The following GLI3 variants were observed in gnomAD, a reference collection of about 807,000 sequenced individuals.
GLI3 encodes transcription activator GLI3.
In GLI3, 20 loss-of-function variants were observed where a neutral mutation model predicts 100.8. The observed-to-expected ratio is 0.20, with a 90% CI of 0.14 to 0.29. The LOEUF is 0.29. GLI3 is among the 10% of genes least tolerant of loss of function. The probability of loss-of-function intolerance (pLI) is 1.00; values close to 1 mark genes in which losing one functional copy is unlikely to be tolerated. For synonymous variants in GLI3, 938 were observed against 860.5 expected (o/e 1.09, Z -1.58); for missense variants, 2,040 against 2,128.5 (o/e 0.96, Z 0.82).
intron 10 of GLI3, among the ~76,000 whole-genome samples, chr7:42,012,856 A>T (rs1788657468): frequency 6.6e-6 from 1 of 152,156 alleles, no homozygotes; most frequent in Non-Finnish European, 1.5e-5. Flanking sequence ...CACCAGAGGA[A>T]CCTGTGCAAA....
Position 42,125,747 on chromosome 7 carries a change from G to A in GLI3, c.367+22479C>T, listed in dbSNP as rs568701962. 3.3e-5 allele frequency among the ~76,000 whole-genome samples: 5 copies of A among 152,278 alleles called. No individual in the cohort carries two copies. In the East Asian group the frequency reaches 9.7e-4, roughly 29 times the overall value. ...GCCCATAATACAGAGCTGTCCTCAG[G>A]AGACAAGCCTCTTATTTTTGAGGGT... On this transcript the variant is annotated intron_variant, in intron 3 of 14. Coordinates refer to ENST00000395925, the MANE Select transcript of GLI3 (RefSeq NM_000168.6).
At chr7:42,163,221 T>C (rs1185255848) in intron 2 of GLI3, among the ~76,000 whole-genome samples, 5 of 151,802 alleles carry the variant, frequency 3.3e-5, no homozygotes, top group African/African-American at 1.2e-4. Context: ...TGCCCCACAT[T>C]AAACAGTACT....
rs1354305000 is a variant in GLI3, at chr7:41,962,884, A to G, written c.*1446T>C. The G allele has an allele frequency of 6.6e-6, 1 of 152,194 alleles. No homozygotes were observed. Among genetic ancestry groups the G allele is most frequent in the Non-Finnish European group, 1.5e-5 (1 of 68,024 alleles). The allele number at this position is 152,194 out of a possible 1,614,324, so 9.4% of individuals were successfully genotyped here. A position where few individuals can be genotyped will look rare whatever the true frequency, so the allele number is the denominator to read the frequency against. ...GTGTTAATATTTTAACAGTTTATAT[A>G]ATTTTTTAAAGCAATATGCTGGAAA... On this transcript the variant is annotated 3_prime_UTR_variant, in exon 15 of 15. Transcript: ENST00000395925.
chr7:42,029,387 G>A (rs979389032), intron 7 of GLI3, among the ~76,000 whole-genome samples: 12 of 152,192 alleles, frequency 7.9e-5, no homozygotes, highest in African/African-American at 2.4e-4. Flanking sequence ...GGCAGAGGAC[G>A]GGCGATGACT....
chr7:42,011,477 C>A (rs888423070), intron 10 of GLI3, among the ~76,000 whole-genome samples: 1 of 152,154 alleles, frequency 6.6e-6, no homozygotes, highest in Non-Finnish European at 1.5e-5. Flanking sequence ...TTCATAGTAA[C>A]ACAATAGCCA....
chr7:42,131,228 G>A (rs1457224781), intron 3 of GLI3, among the ~76,000 whole-genome samples: 4 of 152,122 alleles, frequency 2.6e-5, no homozygotes, highest in Non-Finnish European at 5.9e-5. Context: ...GAGATTCCTC[G>A]TTCAGACTTC....
At chr7:42,144,424 C>T (rs1786651535) in intron 3 of GLI3, among the ~76,000 whole-genome samples, 1 of 152,196 alleles carries the variant, frequency 6.6e-6, no homozygotes, top group African/African-American at 2.4e-5. Context: ...CCTTGATATA[C>T]AGCCCGTCCA....
At position 42,127,951 on chromosome 7, in the gene GLI3, G is replaced by A. The variant is rs1000096438; in HGVS notation, c.367+20275C>T. Among the ~76,000 whole-genome samples, 8 of 150,764 alleles carry A rather than the reference G, an allele frequency of 5.3e-5. No homozygotes were observed. The South Asian group carries it at 6.3e-4, about 12-fold the overall frequency. ...TGCTTGAACCCAGGAGGCAGGAGGCGGAAGTTGCAGTGAGCCATGATCGAG... is the reference window on the plus strand; with the variant it reads ...TGCTTGAACCCAGGAGGCAGGAGGCAGAAGTTGCAGTGAGCCATGATCGAG... On this transcript the variant is annotated intron_variant, in intron 3 of 14. Transcript: ENST00000395925.
At chr7:42,236,743 G>T (rs1788807294) in intron 1 of GLI3, among the ~76,000 whole-genome samples, 3 of 152,218 alleles carry the variant, frequency 2.0e-5, no homozygotes, top group African/African-American at 7.2e-5. Flanking sequence ...GTCTCCGGCC[G>T]GTCCGCGGGT....
chr7:42,043,964 C>A (rs750147022), intron 6 of GLI3, among the ~76,000 whole-genome samples: 1 of 152,198 alleles, frequency 6.6e-6, no homozygotes, highest in South Asian at 2.1e-4. Context: ...AACAACAGAA[C>A]GCCTGAAGAA....
At position 41,965,626 on chromosome 7, in the gene GLI3, G is replaced by C; in HGVS notation, c.3447C>G (p.Pro1149=). 6.2e-7 allele frequency: 1 copy of C among 1,611,148 alleles called. No individual in the cohort carries two copies. Among genetic ancestry groups the C allele is most frequent in the Non-Finnish European group, 8.5e-7 (1 of 1,177,848 alleles). ...GGTCGGTTTTGCTGCCCTCGGGGCA[G>C]GGCTGCTCGAGGGCATGGAACTGCT... ...AGQQFHALEQ[P]CPEGSKTDLP... is the part of the protein sequence containing the mutation. Residue 1149 remains proline, a synonymous_variant, in exon 15 of 15, where the codon CCC becomes CCG. Transcript: ENST00000395925.
Position 42,026,223 on chromosome 7 carries a change from G to T in GLI3, c.1218C>A (p.Ser406Arg). 6.2e-7 allele frequency: 1 copy of T among 1,613,482 alleles called. No homozygotes were observed. Among genetic ancestry groups the T allele is most frequent in the Non-Finnish European group, 8.5e-7 (1 of 1,179,688 alleles). Residue 406 changes from serine to arginine, a missense_variant, in exon 8 of 15, where the codon AGC (serine) becomes AGA (arginine). Ser to Arg is a moderately radical substitution (Grantham distance 110). Around this residue, in one of 5 missense-constraint regions of GLI3, gnomAD observed 603 missense variants for 690.9 expected, o/e 0.87. Coordinates refer to ENST00000395925, the MANE Select transcript of GLI3 (RefSeq NM_000168.6). ...IPTVLNPVQV[S>R]SGPSESSQNK... is the part of the protein sequence containing the mutation. ...CCTGTGAGGACTCAGAAGGGCCGGA[G>T]CTGACCTGGACGGGGTTCAGAACCG...
chr7:42,059,503 A>C (rs1364589302), intron 4 of GLI3, among the ~76,000 whole-genome samples: 1 of 150,594 alleles, frequency 6.6e-6, no homozygotes, highest in African/African-American at 2.4e-5. Flanking sequence ...AAATTAATTA[A>C]TATAATAAAA....
At chr7:42,109,272 C>T (rs1389407597) in intron 3 of GLI3, among the ~76,000 whole-genome samples, 2 of 152,192 alleles carry the variant, frequency 1.3e-5, no homozygotes, top group Non-Finnish European at 2.9e-5. Flanking sequence ...CGGTTCATCA[C>T]AGTCACTACA....
At chr7:42,111,568 C>A (rs1785707189) in intron 3 of GLI3, among the ~76,000 whole-genome samples, 1 of 152,140 alleles carries the variant, frequency 6.6e-6, no homozygotes, top group Non-Finnish European at 1.5e-5. Context: ...CTTCAAGAAA[C>A]TGTGTCATTT....
intron 3 of GLI3, 85 bp downstream of exon 3, chr7:42,148,133 GCGCACACA>G (rs1318415440): frequency 5.5e-5 from 63 of 1,149,068 alleles, no homozygotes; most frequent in African/African-American, 5.0e-4. Context: ...TTCATAAAGC[GCGCACACA>G]CACACACACA....
intron 2 of GLI3, among the ~76,000 whole-genome samples, chr7:42,216,333 C>T (rs1295315411): frequency 6.6e-6 from 1 of 152,164 alleles, no homozygotes; most frequent in Non-Finnish European, 1.5e-5. Context: ...AACTTGAGTG[C>T]TGTGAAGGAA....
chr7:42,042,812 A>C (rs1050578195), intron 6 of GLI3, among the ~76,000 whole-genome samples: 11 of 152,024 alleles, frequency 7.2e-5, no homozygotes, highest in Non-Finnish European at 1.3e-4. Flanking sequence ...GCTCTTATTT[A>C]AGTCTATTTC....
At chr7:42,109,503 C>T (rs1165962431) in intron 3 of GLI3, among the ~76,000 whole-genome samples, 1 of 152,144 alleles carries the variant, frequency 6.6e-6, no homozygotes, top group African/African-American at 2.4e-5. Context: ...AGCATAATGT[C>T]CTGCCCTTGA....
Sources: gnomAD v4.1 joint callset for allele counts (sites outside exome capture counted in the v4.1 genomes callset) on GRCh38, gnomAD v4.1.1 for gene constraint, gnomAD v4.1.1 regional missense constraint, MANE v1.5 for transcripts, NCBI Gene and HGNC (gene_info 2026-07-23, HGNC 2026-07-21) for gene names.